FAM120C: variants seen among roughly 807,000 people sequenced by gnomAD.
FAM120C encodes family with sequence similarity 120 member C.
FAM120C carries 14 observed loss-of-function variants against 71.2 expected under a neutral mutation model. The ratio of observed to expected loss-of-function variants is 0.20; its 90% CI spans 0.13 to 0.31. The LOEUF is 0.31. Among genes scored for constraint, FAM120C ranks in the 10% least tolerant of loss-of-function variants. The pLI is 1.00. For missense variants in FAM120C, 500 were observed against 879.0 expected (o/e 0.57, Z 5.45); for synonymous variants, 354 against 353.2 (o/e 1.00, Z -0.03).
At position 54,141,998 on chromosome X, in the gene FAM120C, A is replaced by G. The variant is rs782177869; in HGVS notation, c.1159-5408T>C. Among the ~76,000 whole-genome samples the G allele has an allele frequency of 1.2e-4, 13 of 112,150 alleles. No individual in the cohort carries two copies. In the South Asian group the frequency reaches 4.8e-3, roughly 41 times the overall value. ...ATAGGCAAATAATATTCATGGATTC[A>G]AAGGCTCACCAAATTCATCTATATA... is the stretch of plus-strand genomic sequence containing the variant. On this transcript the variant is annotated intron_variant, in intron 4 of 15. Coordinates refer to ENST00000375180, the MANE Select transcript of FAM120C (RefSeq NM_017848.6).
Position 54,170,105 on chromosome X carries a change from CTAATTT to C in FAM120C, c.700-10495_700-10490del, listed in dbSNP as rs782235738. On this transcript the variant is annotated intron_variant, in intron 1 of 15. Transcript: ENST00000375180. ...GTGTTCAGTACACACTATTAAGGTA[CTAATTT>C]TAATTTGCGAGTACCCAATTTTAGT... 2.2e-3 allele frequency among the ~76,000 whole-genome samples: 247 copies of C among 111,503 alleles called. 3 individuals carry two copies. Among genetic ancestry groups the C allele is most frequent in the African/African-American group, 7.8e-3 (240 of 30,699 alleles).
At chrX:54,174,809 A>G (rs2067307781) in intron 1 of FAM120C, among the ~76,000 whole-genome samples, 1 of 112,229 alleles carries the variant, frequency 8.9e-6, no homozygotes, top group Non-Finnish European at 1.9e-5. Flanking sequence ...CATGGGCCAC[A>G]TAAGGCCTAC....
intron 1 of FAM120C, among the ~76,000 whole-genome samples, chrX:54,175,422 AGGCATGCCAT>A (rs782618330): frequency 9.0e-6 from 1 of 111,513 alleles, no homozygotes; most frequent in African/African-American, 3.3e-5. Context: ...CAGATCATGA[AGGCATGCCAT>A]GGCATGCCAT....
chrX:54,117,380 A>ACAATACAAT (rs2146593625), intron 9 of FAM120C, among the ~76,000 whole-genome samples: 2 of 100,224 alleles, frequency 2.0e-5, no homozygotes, highest in African/African-American at 7.3e-5. Flanking sequence ...AAAATAAAAT[A>ACAATACAAT]AAATAAAATA....
chrX:54,182,004 T>TA (rs1471030330), intron 1 of FAM120C, among the ~76,000 whole-genome samples: 4 of 110,940 alleles, frequency 3.6e-5, no homozygotes, highest in Non-Finnish European at 7.6e-5. Flanking sequence ...CACAGATGGG[T>TA]AAAAAAGCAG....
intron 10 of FAM120C, among the ~76,000 whole-genome samples, chrX:54,103,001 A>G (rs1283495805): frequency 4.5e-5 from 5 of 111,440 alleles, no homozygotes; most frequent in Non-Finnish European, 7.5e-5. Context: ...TACAGGAGTG[A>G]GCCACTGTGC....
intron 10 of FAM120C, among the ~76,000 whole-genome samples, chrX:54,095,903 G>T (rs1350723739): frequency 9.0e-6 from 1 of 110,558 alleles, no homozygotes; most frequent in Non-Finnish European, 1.9e-5. Context: ...CAATCTGCCT[G>T]CCTCGGCCTC....
At chrX:54,155,549 CA>C (rs782552387) in intron 3 of FAM120C, among the ~76,000 whole-genome samples, 1 of 111,389 alleles carries the variant, frequency 9.0e-6, no homozygotes, top group Non-Finnish European at 1.9e-5. Flanking sequence ...GAAAAGCAAA[CA>C]GGGGAAGGGA....
intron 10 of FAM120C, among the ~76,000 whole-genome samples, chrX:54,115,089 G>A (rs979869439): frequency 2.7e-5 from 3 of 111,613 alleles, no homozygotes; most frequent in African/African-American, 9.7e-5. Context: ...TAGTAAAAAC[G>A]AAATACTGCT....
intron 9 of FAM120C, among the ~76,000 whole-genome samples, chrX:54,122,163 GT>G (rs1354381878): frequency 5.8e-5 from 1 of 17,369 alleles, no homozygotes; most frequent in Non-Finnish European, 9.4e-5. Flanking sequence ...TGGAATAGGT[GT>G]GGTGTGGTGC....
intron 1 of FAM120C, among the ~76,000 whole-genome samples, chrX:54,168,021 G>A (rs2067269303): frequency 9.0e-6 from 1 of 110,567 alleles, no homozygotes; most frequent in Non-Finnish European, 1.9e-5. Flanking sequence ...GAGAAGACGT[G>A]TCTCATTTCC....
chrX:54,182,446 G>T, intron 1 of FAM120C, 54 bp downstream of exon 1: 2 of 1,133,031 alleles, frequency 1.8e-6, no homozygotes. Context: ...TAGGTATTTA[G>T]TTGGGAGGGA....
At chrX:54,172,836 G>A (rs1557136108) in intron 1 of FAM120C, among the ~76,000 whole-genome samples, 1 of 111,829 alleles carries the variant, frequency 8.9e-6, no homozygotes, top group African/African-American at 3.2e-5. Flanking sequence ...AATGCTGTTG[G>A]TCTAGGACCA....
At chrX:54,132,517 G>C (rs1359933534) in intron 9 of FAM120C, among the ~76,000 whole-genome samples, 175 bp downstream of exon 9, 4 of 112,021 alleles carry the variant, frequency 3.6e-5, no homozygotes, top group African/African-American at 1.3e-4. Context: ...CTAAATGCTT[G>C]AATAATTGCA....
chrX:54,080,205 C>T, intron 15 of FAM120C, 27 bp downstream of exon 15: 1 of 1,170,290 alleles, frequency 8.5e-7, no homozygotes, highest in Non-Finnish European at 1.2e-6. Context: ...CAAACAGAAG[C>T]TAAATAATCT....
intron 10 of FAM120C, among the ~76,000 whole-genome samples, chrX:54,101,057 C>T (rs1260449734): frequency 1.8e-5 from 2 of 111,856 alleles, no homozygotes; most frequent in Admixed American, 1.9e-4. Flanking sequence ...CTACAAGTCT[C>T]TACCTGGGCT....
At chrX:54,088,447 C>T (rs782549512) in intron 11 of FAM120C, among the ~76,000 whole-genome samples, 1 of 107,328 alleles carries the variant, frequency 9.3e-6, no homozygotes, top group African/African-American at 3.4e-5. Flanking sequence ...CAAAAATTAG[C>T]CAGGCATGAT....
rs782601457 is a variant in FAM120C at position 54,177,371 on chromosome X, T to C, written c.699+5129A>G. On this transcript the variant is annotated intron_variant, in intron 1 of 15. Transcript: ENST00000375180. Reference sequence around the variant, plus strand: ...GGTAAGAAATTTTGGCAGCCTGAACTAAAGCAATGGGGGTGGAAACAGACA... The same window carrying C: ...GGTAAGAAATTTTGGCAGCCTGAACCAAAGCAATGGGGGTGGAAACAGACA... Among the ~76,000 whole-genome samples the C allele has an allele frequency of 2.7e-5, 3 of 111,332 alleles. No homozygotes were observed. The South Asian group carries it at 1.1e-3, about 42-fold the overall frequency.
At chrX:54,171,619 ATATTT>A (rs1282489774) in intron 1 of FAM120C, 26 of 111,743 alleles carry the variant, frequency 2.3e-4, no homozygotes, top group African/African-American at 7.2e-4. Flanking sequence ...GTTAGGTCTT[ATATTT>A]TTGTTACAAC....
Sources: gnomAD v4.1 joint callset for allele counts (sites outside exome capture counted in the v4.1 genomes callset) on GRCh38, gnomAD v4.1.1 for gene constraint, MANE v1.5 for transcripts, NCBI Gene and HGNC (gene_info 2026-07-23, HGNC 2026-07-21) for gene names.